The following ERVFRD-1 variants were observed in gnomAD, a reference collection of about 807,000 sequenced individuals.
ERVFRD-1 encodes endogenous retrovirus group FRD member 1, envelope.
In ERVFRD-1, 33 loss-of-function variants were observed where a neutral mutation model predicts 43.8. The ratio of observed to expected loss-of-function variants is 0.75; its 90% confidence interval spans 0.57 to 1.01. The LOEUF (loss-of-function observed/expected upper bound fraction) is 1.01. Among genes scored for constraint, ERVFRD-1 ranks in the 50% least tolerant of loss-of-function variants. The pLI is 0.00. For missense variants in ERVFRD-1, 568 were observed against 658.4 expected (o/e 0.86, Z 1.50); for synonymous variants, 239 against 244.4 (o/e 0.98, Z 0.21).
Position 11,104,198 on chromosome 6 carries a change from A to G in ERVFRD-1, c.1113T>C (p.Ile371=), listed in dbSNP as rs1758045850. The G allele has an allele frequency of 6.4e-7, 1 of 1,551,622 alleles. No individual in the cohort carries two copies. Among genetic ancestry groups the G allele is most frequent in the African/African-American group, 1.4e-5 (1 of 73,056 alleles). ...LGILAGTGTG[I]AGITKASLTY... ...TGAGGGAAGCTTTTGTGATTCCAGC[A>G]ATTCCGGTTCCCGTACCAGCTAGAA... Residue 371 remains isoleucine (I), a synonymous_variant, in exon 2 of 2, where the codon ATT becomes ATC. Transcript: ENST00000472091.
chr6:11,109,722 G>C (rs1225714779), intron 1 of ERVFRD-1, among the ~76,000 whole-genome samples: 1 of 152,068 alleles, frequency 6.6e-6, no homozygotes, highest in Non-Finnish European at 1.5e-5. Context: ...TTCAACCCAG[G>C]CTGTATTACA....
chr6:11,108,047 A>G (rs1758112954), intron 1 of ERVFRD-1, among the ~76,000 whole-genome samples: 1 of 152,170 alleles, frequency 6.6e-6, no homozygotes, highest in Non-Finnish European at 1.5e-5. Context: ...GCATTTGAAA[A>G]AGGGGGTGTT....
Position 11,103,727 on chromosome 6 carries a change from G to T in ERVFRD-1, c.1584C>A (p.Arg528=), listed in dbSNP as rs1267509053. ...IKLQTNLSAG[R]HPRNIQESPF is the part of the protein sequence containing the mutation. ...GTGACTCTTGAATATTGCGAGGATG[G>T]CGTCCTGCACTGAGATTCGTCTGGA... Residue 528 remains arginine, a synonymous_variant, in exon 2 of 2, where the codon CGC becomes CGA. Coordinates refer to ENST00000472091, the MANE Select transcript of ERVFRD-1 (RefSeq NM_207582.3). 6.4e-7 allele frequency: 1 copy of T among 1,551,578 alleles called. No individual in the cohort carries two copies. Among genetic ancestry groups the T allele is most frequent in the South Asian group, 1.2e-5 (1 of 84,050 alleles).
chr6:11,111,384 C>T (rs543535711), intron 1 of ERVFRD-1, among the ~76,000 whole-genome samples: 8 of 152,120 alleles, frequency 5.3e-5, no homozygotes, highest in African/African-American at 1.9e-4. Context: ...CAGAGGAAAC[C>T]CCAGATACTA....
At chr6:11,109,129 G>A (rs1303078999) in intron 1 of ERVFRD-1, among the ~76,000 whole-genome samples, 1 of 152,244 alleles carries the variant, frequency 6.6e-6, no homozygotes, top group Admixed American at 6.5e-5. Context: ...TTTGCAAATT[G>A]TTGGACCGCC....
chr6:11,111,536 CA>C (rs761614951), intron 1 of ERVFRD-1, 140 bp downstream of exon 1: 1 of 152,788 alleles, frequency 6.5e-6, no homozygotes, highest in East Asian at 1.9e-4. Context: ...AGAGAGCAGC[CA>C]GGGGGAGCAG....
Position 11,104,438 on chromosome 6 carries a change from G to C in ERVFRD-1, c.873C>G (p.Cys291Trp), listed in dbSNP as rs1424005896. The C allele has an allele frequency of 6.4e-7, 1 of 1,551,618 alleles. No homozygotes were observed. Among genetic ancestry groups the C allele is most frequent in the Non-Finnish European group, 8.7e-7 (1 of 1,147,028 alleles). ...TPLFHFHIST[C>W]LKTQGAFYIC... ...TATAAAAGGCTCCTTGAGTTTTAAGGCATGTAGAGATATGGAAATGAAATA... is the reference window on the plus strand; with the variant it reads ...TATAAAAGGCTCCTTGAGTTTTAAGCCATGTAGAGATATGGAAATGAAATA... Residue 291 changes from cysteine (C) to tryptophan (W), a missense_variant, in exon 2 of 2, where the codon TGC becomes TGG. By Grantham distance (215) the Cys-to-Trp change is radical. Transcript: ENST00000472091.
chr6:11,108,623 A>T (rs551703854), intron 1 of ERVFRD-1, among the ~76,000 whole-genome samples: 15 of 152,166 alleles, frequency 9.9e-5, no homozygotes, highest in Non-Finnish European at 1.6e-4. Flanking sequence ...GCAGGTTTGC[A>T]GGGCAGTCAG....
chr6:11,103,834 G>T lies in ERVFRD-1; in HGVS notation c.1477C>A (p.Leu493Ile). 6.4e-7 allele frequency: 1 copy of T among 1,551,662 alleles called. No individual in the cohort carries two copies. The highest frequency in any genetic ancestry group is 8.7e-7 in the Non-Finnish European group (1 of 1,146,982). The change falls in exon 2 of 2, where the codon CTC becomes ATC. Residue 493 changes from leucine (L) to isoleucine (I), a missense_variant. By Grantham distance (5) the Leu-to-Ile change is conservative. Transcript: ENST00000472091. ...GGACCAAAAAGGAGCAAAAGTAGGAGACTAACAAGTGGGCCTGTAAGGGGA... is the reference window on the plus strand; with the variant it reads ...GGACCAAAAAGGAGCAAAAGTAGGATACTAACAAGTGGGCCTGTAAGGGGA... ...VLPLTGPLVS[L>I]LLLLLFGPCL...
At position 11,108,531 on chromosome 6, in the gene ERVFRD-1, A is replaced by G. The variant is rs1758121742; in HGVS notation, c.-320-2901T>C. 2.0e-5 allele frequency among the ~76,000 whole-genome samples: 3 copies of G among 152,178 alleles called. No individual in the cohort carries two copies. In the South Asian group the frequency reaches 6.2e-4, roughly 32 times the overall value. On this transcript the variant is annotated intron_variant, in intron 1 of 1. Coordinates refer to ENST00000472091, the MANE Select transcript of ERVFRD-1 (RefSeq NM_207582.3). The stretch of plus-strand genomic sequence containing the variant: ...GGTGGGTGTCCCCATCAGTTTGGGC[A>G]CTGCCTTCTTGTGTGGCCTGGCTCC...
chr6:11,111,514 C>T (rs1004915027), intron 1 of ERVFRD-1, among the ~76,000 whole-genome samples, 163 bp downstream of exon 1: 14 of 152,092 alleles, frequency 9.2e-5, no homozygotes, highest in African/African-American at 3.1e-4. Context: ...AGCCATCCTT[C>T]GGGGTGAGCA....
intron 1 of ERVFRD-1, among the ~76,000 whole-genome samples, chr6:11,106,456 C>A (rs1452534287): frequency 6.6e-6 from 1 of 152,214 alleles, no homozygotes; most frequent in Non-Finnish European, 1.5e-5. Flanking sequence ...TAGTCCCTCC[C>A]CCACTGAACA....
At position 11,104,387 on chromosome 6, in the gene ERVFRD-1, G is replaced by A. The variant is rs1309261943; in HGVS notation, c.924C>T (p.Cys308=). Residue 308 remains cysteine, a synonymous_variant, in exon 2 of 2, where the codon TGC becomes TGT. Coordinates refer to ENST00000472091, the MANE Select transcript of ERVFRD-1 (RefSeq NM_207582.3). ...FYICGQSIHQ[C]LPSNWTGTCT... Reference sequence around the variant, plus strand: ...AAGTTCCAGTCCAGTTACTGGGGAGGCATTGGTGAATCGACTGGCCACAAA... The same window carrying A: ...AAGTTCCAGTCCAGTTACTGGGGAGACATTGGTGAATCGACTGGCCACAAA... 1 of 1,551,560 alleles carries A rather than the reference G, an allele frequency of 6.4e-7. No homozygotes were observed. The highest frequency in any genetic ancestry group is 1.4e-5 in the African/African-American group (1 of 73,040).
chr6:11,109,465 G>A (rs530971885), intron 1 of ERVFRD-1, among the ~76,000 whole-genome samples: 1 of 152,138 alleles, frequency 6.6e-6, no homozygotes, highest in South Asian at 2.1e-4. Flanking sequence ...GGGCAATGGG[G>A]CTTGAGCTCT....
Position 11,104,679 on chromosome 6 carries a change from T to C in ERVFRD-1, c.632A>G (p.Asp211Gly), listed in dbSNP as rs1561752822. ...GGAAATTTGCAGACATTGGTTATAA[T>C]CAGCAGGCCGGAACCAGAAGTTTCG... ...STRNFWFRPA[D>G]YNQCLQISNL... The change falls in exon 2 of 2, where the codon GAT (aspartate) becomes GGT (glycine). Residue 211 changes from aspartate (D) to glycine (G), a missense_variant. Physicochemically the swap from Asp to Gly is moderately conservative, Grantham distance 94. Coordinates refer to ENST00000472091, the MANE Select transcript of ERVFRD-1 (RefSeq NM_207582.3). 6.2e-7 allele frequency: 1 copy of C among 1,614,196 alleles called. No homozygotes were observed. The highest frequency in any genetic ancestry group is 8.5e-7 in the Non-Finnish European group (1 of 1,180,036).
Position 11,104,092 on chromosome 6 carries a change from C to T in ERVFRD-1, c.1219G>A (p.Asp407Asn), listed in dbSNP as rs754689107. The change falls in exon 2 of 2, where the codon GAC (aspartate) becomes AAC (asparagine). Residue 407 changes from aspartate (D) to asparagine (N), a missense_variant. Coordinates refer to ENST00000472091, the MANE Select transcript of ERVFRD-1 (RefSeq NM_207582.3). ...KALTTMQEQI[D>N]SLAAVVLQNR... Reference sequence around the variant, plus strand: ...TGAAGGACTACGGCTGCTAAAGAGTCGATTTGTTCTTGCATGGTCGTTAAG... The same window carrying T: ...TGAAGGACTACGGCTGCTAAAGAGTTGATTTGTTCTTGCATGGTCGTTAAG... The T allele has an allele frequency of 3.9e-5, 60 of 1,551,550 alleles. No homozygotes were observed. Among genetic ancestry groups the T allele is most frequent in the Admixed American group, 7.8e-5 (4 of 50,986 alleles).
intron 1 of ERVFRD-1, among the ~76,000 whole-genome samples, chr6:11,111,441 G>A (rs547480003): frequency 2.7e-4 from 41 of 152,198 alleles, no homozygotes; most frequent in South Asian, 2.1e-3. Flanking sequence ...CCTCCTGTCT[G>A]GGGGGGCCAT....
chr6:11,106,646 G>GGA (rs1345899315), intron 1 of ERVFRD-1, among the ~76,000 whole-genome samples: 2 of 152,184 alleles, frequency 1.3e-5, no homozygotes, highest in African/African-American at 4.8e-5. Flanking sequence ...TTAATGTATT[G>GGA]GAGAGAGAGC....
At position 11,103,645 on chromosome 6, in the gene ERVFRD-1, G is replaced by A; in HGVS notation, c.*49C>T. On this transcript the variant is annotated 3_prime_UTR_variant, in exon 2 of 2. Coordinates refer to ENST00000472091, the MANE Select transcript of ERVFRD-1 (RefSeq NM_207582.3). ...AGCCAGGTCCACGGGAGACGGGGCA[G>A]GATTTCGCCTCTGTCGTGTTCCACT... The A allele has an allele frequency of 5.4e-6, 8 of 1,491,520 alleles. No homozygotes were observed. The highest frequency in any genetic ancestry group is 7.2e-6 in the Non-Finnish European group (8 of 1,118,830). 92.4% of individuals were successfully genotyped at this position (1,491,520 alleles called of 1,614,324 possible).
Sources: allele counts gnomAD v4.1 joint callset (sites outside exome capture counted in the v4.1 genomes callset), GRCh38; gene constraint gnomAD v4.1.1; transcripts MANE v1.5; gene names NCBI Gene and HGNC (gene_info 2026-07-23, HGNC 2026-07-21).